The following KIF27 variants were observed in gnomAD, a reference collection of about 807,000 sequenced individuals.
The protein encoded by KIF27 is kinesin family member 27.
In KIF27, 84 loss-of-function variants were observed where a neutral mutation model predicts 141.8. That is an observed-to-expected ratio of 0.59 (90% confidence interval 0.50 to 0.71). KIF27 has a LOEUF of 0.71. Among genes scored for constraint, KIF27 ranks in the 30% least tolerant of loss-of-function variants. The pLI, the probability that KIF27 is intolerant of heterozygous loss-of-function variation, is 0.00. For synonymous variants in KIF27, 471 were observed against 569.5 expected, an observed-to-expected ratio of 0.83 and a Z score of 2.46; for missense variants, 1,306 against 1,628.4, an observed-to-expected ratio of 0.80 and a Z score of 3.41.
intron 16 of KIF27, chr9:83,848,588 C>T (rs941779785): frequency 6.9e-6 from 1 of 145,514 alleles, no homozygotes; most frequent in Non-Finnish European, 1.5e-5. Context: ...ATCATATATG[C>T]TATATGAATA....
At chr9:83,858,795 T>C (rs1483174559) in intron 14 of KIF27, 19 of 259,828 alleles carry the variant, frequency 7.3e-5, no homozygotes, top group Non-Finnish European at 7.4e-5. Context: ...TCAAGAAATA[T>C]GTATAGAGAA....
chr9:83,874,049 G>C (rs931446590), intron 11 of KIF27, among the ~76,000 whole-genome samples: 14 of 109,982 alleles, frequency 1.3e-4, no homozygotes, highest in East Asian at 4.8e-4. Flanking sequence ...GAGACTCCGT[G>C]TCAAAAAAAA....
chr9:83,909,263 A>G (rs189625866), intron 2 of KIF27, among the ~76,000 whole-genome samples: 61 of 152,310 alleles, frequency 4.0e-4, no homozygotes, highest in African/African-American at 1.1e-3. Flanking sequence ...GATGCTTGCA[A>G]CTTTAAATAG....
Position 83,850,183 on chromosome 9 carries a change from G to C in KIF27, c.3472C>G (p.Leu1158Val). ...VRELESALDHLKLQCDRRLTL... is the reference protein window; with the variant it reads ...VRELESALDHVKLQCDRRLTL... Reference sequence around the variant, plus strand: ...AGTCTCCGGTCACACTGCAATTTTAGATGGTCCAGTGCAGATTCTAATTCA... The same window carrying C: ...AGTCTCCGGTCACACTGCAATTTTACATGGTCCAGTGCAGATTCTAATTCA... The change falls in exon 16 of 18, where the codon CTA (leucine) becomes GTA (valine). Residue 1158 changes from leucine (L) to valine (V), a missense_variant. This residue lies in a region of KIF27 where 596 missense variants were observed against 751.6 expected (regional missense o/e 0.79). Transcript: ENST00000297814. 5 of 1,613,490 alleles carry C rather than the reference G, an allele frequency of 3.1e-6. No homozygotes were observed. Among genetic ancestry groups the C allele is most frequent in the Non-Finnish European group, 4.2e-6 (5 of 1,179,440 alleles).
chr9:83,913,151 C>A (rs1408381495), intron 2 of KIF27, among the ~76,000 whole-genome samples: 2 of 151,768 alleles, frequency 1.3e-5, no homozygotes, highest in Non-Finnish European at 2.9e-5. Flanking sequence ...GGTGACAGAC[C>A]AAGGCCCTAT....
chr9:83,920,538 C>A (rs1264530159), intron 1 of KIF27, among the ~76,000 whole-genome samples: 1 of 152,088 alleles, frequency 6.6e-6, no homozygotes, highest in Non-Finnish European at 1.5e-5. Context: ...CCCTTGATTT[C>A]CCAGAAAGCA....
rs139414225 is a variant in KIF27 at position 83,876,745 on chromosome 9, T to G, written c.2643+3552A>C. Among the ~76,000 whole-genome samples the G allele has an allele frequency of 6.2e-3, 949 of 152,310 alleles. 8 individuals carry two copies. Among genetic ancestry groups the G allele is most frequent in the African/African-American group, 0.021 (859 of 41,558 alleles). On this transcript the variant is annotated intron_variant, in intron 11 of 17. Transcript: ENST00000297814. ...GACCTATGGAATAGAACTGAGAGTT[T>G]AGTAACCATATATCTATGGCCAGTT...
In KIF27 at chr9:83,903,369, G is replaced by T. The variant is rs769914187; in HGVS notation, c.1149C>A (p.Ile383=). Residue 383 remains isoleucine (I), a synonymous_variant, in exon 4 of 18, where the codon ATC becomes ATA. Coordinates refer to ENST00000297814, the MANE Select transcript of KIF27 (RefSeq NM_017576.4). ...QQAGVSQTTQ[I]NREGSPDTNR... is the part of the protein sequence containing the mutation. ...TTGTATCAGGACTCCCTTCTCGATTGATCTGGGTAGTTTGGCTGACACCAG... is the reference window on the plus strand; with the variant it reads ...TTGTATCAGGACTCCCTTCTCGATTTATCTGGGTAGTTTGGCTGACACCAG... 1.2e-6 allele frequency: 2 copies of T among 1,614,082 alleles called. No individual in the cohort carries two copies. Among genetic ancestry groups the T allele is most frequent in the South Asian group, 1.1e-5 (1 of 91,084 alleles).
intron 13 of KIF27, among the ~76,000 whole-genome samples, chr9:83,866,638 G>A (rs560295747): frequency 1.3e-5 from 2 of 152,224 alleles, no homozygotes; most frequent in South Asian, 4.1e-4. Context: ...AGCACTTTGG[G>A]AGGCCAAGAT....
At position 83,859,252 on chromosome 9, in the gene KIF27, T is replaced by C. The variant is rs74436006; in HGVS notation, c.3054A>G (p.Glu1018=). 24,017 of 1,612,906 alleles carry C rather than the reference T, an allele frequency of 0.015. 276 individuals are homozygous for C. The highest frequency in any genetic ancestry group is 0.052 in the African/African-American group (3,860 of 74,314). Residue 1018 remains glutamate (E), a synonymous_variant, in exon 14 of 18, where the codon GAA becomes GAG. Coordinates refer to ENST00000297814, the MANE Select transcript of KIF27 (RefSeq NM_017576.4). The stretch of plus-strand genomic sequence containing the variant: ...TTTCTTTCTGGAGGACTTCAACTTG[T>C]TCTGAAATCTTTGTTTTCTCCTCAG... ...STAEEKTKIS[E]QVEVLQKEKD...
intron 13 of KIF27, among the ~76,000 whole-genome samples, chr9:83,863,986 G>C (rs952208106): frequency 7.2e-4 from 109 of 152,286 alleles, no homozygotes; most frequent in African/African-American, 2.6e-3. Context: ...AGTATTCTCT[G>C]ATGGTAGTTT....
At chr9:83,881,994 T>A (rs1233361785) in intron 10 of KIF27, among the ~76,000 whole-genome samples, 1 of 152,154 alleles carries the variant, frequency 6.6e-6, no homozygotes, top group African/African-American at 2.4e-5. Flanking sequence ...AGTTTTTAAT[T>A]TAAAAATGTT....
At chr9:83,877,535 A>C (rs62561959) in intron 11 of KIF27, among the ~76,000 whole-genome samples, 26,739 of 152,212 alleles carry the variant, frequency 0.18, 2,924 homozygotes, top group Non-Finnish European at 0.24. Flanking sequence ...TGACCTAAAT[A>C]TAAAAGCAAA....
Position 83,915,314 on chromosome 9 carries a change from G to A in KIF27, c.278C>T (p.Thr93Ile). ...CTTACCAATATGGCCCCCTCCAATG[G>A]TGTATGTCTTCCCAGATCCAGTTTG... The part of the protein sequence containing the change: ...YGQTGSGKTY[T>I]IGGGHIASVV... Residue 93 changes from threonine to isoleucine, a missense_variant, in exon 2 of 18, where the codon ACC becomes ATC. Coordinates refer to ENST00000297814, the MANE Select transcript of KIF27 (RefSeq NM_017576.4). 1 of 1,611,676 alleles carries A rather than the reference G, an allele frequency of 6.2e-7. No homozygotes were observed. The highest frequency in any genetic ancestry group is 8.5e-7 in the Non-Finnish European group (1 of 1,178,696).
rs574860233 is a variant in KIF27 at position 83,854,826 on chromosome 9, A to C, written c.3151-991T>G. Among the ~76,000 whole-genome samples, 8 of 152,332 alleles carry C rather than the reference A, an allele frequency of 5.3e-5. No homozygotes were observed. In the East Asian group the frequency reaches 1.5e-3, roughly 29 times the overall value. ...TATACCCATACCTATTGTGGAGGCCACCTTGATAAGTTCCTGTGGCAGACT... is the reference window on the plus strand; with the variant it reads ...TATACCCATACCTATTGTGGAGGCCCCCTTGATAAGTTCCTGTGGCAGACT... On this transcript the variant is annotated intron_variant, in intron 14 of 17. Transcript: ENST00000297814.
chr9:83,891,227 A>G, intron 6 of KIF27, 68 bp downstream of exon 6: 2 of 1,266,366 alleles, frequency 1.6e-6, no homozygotes, highest in Non-Finnish European at 2.3e-6. Context: ...GTATAAATAC[A>G]CTGTGATATT....
chr9:83,881,187 T>C (rs1195338292), intron 10 of KIF27, among the ~76,000 whole-genome samples: 1 of 152,194 alleles, frequency 6.6e-6, no homozygotes, highest in East Asian at 1.9e-4. Flanking sequence ...CCTTCTCATC[T>C]AACTAAAATT....
chr9:83,916,286 G>A (rs1473648867), intron 1 of KIF27, among the ~76,000 whole-genome samples: 2 of 152,140 alleles, frequency 1.3e-5, no homozygotes, highest in African/African-American at 2.4e-5. Flanking sequence ...GCCCGCCTCG[G>A]CCTCCCAAGT....
At chr9:83,871,644 ATCATGGTCTT>A (rs1458766007) in intron 11 of KIF27, among the ~76,000 whole-genome samples, 1 of 151,966 alleles carries the variant, frequency 6.6e-6, no homozygotes, top group Non-Finnish European at 1.5e-5. Flanking sequence ...TGGAAGACAG[ATCATGGTCTT>A]ATGAAGTGCA....
Sources: allele counts gnomAD v4.1 joint callset (sites outside exome capture counted in the v4.1 genomes callset), GRCh38; gene constraint gnomAD v4.1.1; regional missense constraint gnomAD v4.1.1; transcripts MANE v1.5; gene names NCBI Gene and HGNC (gene_info 2026-07-23, HGNC 2026-07-21).